ITPRIP: variants seen among roughly 807,000 people sequenced by gnomAD.
The protein encoded by ITPRIP is inositol 1,4,5-trisphosphate receptor-interacting protein.
A neutral mutation model predicts 35.8 loss-of-function variants in ITPRIP; 32 were observed. That is an observed-to-expected ratio of 0.89 (90% CI 0.68 to 1.20). The LOEUF (loss-of-function observed/expected upper bound fraction) is 1.20. Ranked by LOEUF, ITPRIP falls within the 50% of genes most tolerant of loss-of-function variation. ITPRIP has a pLI of 0.00. For missense variants in ITPRIP, 653 were observed against 735.6 expected, an observed-to-expected ratio of 0.89 and a Z score of 1.30; for synonymous variants, 358 against 324.0, an observed-to-expected ratio of 1.11 and a Z score of -1.13.
rs2013597271 is a variant in ITPRIP at position 104,314,836 on chromosome 10, G to C, written c.1216C>G (p.Leu406Val). The change falls in exon 2 of 2, where the codon CTC becomes GTC. Residue 406 changes from leucine to valine, a missense_variant. Transcript: ENST00000337478. ...AAGGATGCTATCTGCAGGCAGCTGA[G>C]GTGGCAGGCGCCCTCGGGCAGTGCC... is the stretch of plus-strand genomic sequence containing the variant. Reference protein sequence around the residue: ...LKALPEGACHLSCLQIASFLL... With the variant: ...LKALPEGACHVSCLQIASFLL... The C allele has an allele frequency of 6.2e-7, 1 of 1,613,762 alleles. No individual in the cohort carries two copies. Among genetic ancestry groups the C allele is most frequent in the South Asian group, 1.1e-5 (1 of 91,096 alleles).
rs2013470961 is a variant in ITPRIP, at chr10:104,310,958, G to A, written c.*3450C>T. ...CTGCCCCCAGGTGACACCCGTATGT[G>A]TAGTGCAGGGTCACACTTGGAATAG... On this transcript the variant is annotated 3_prime_UTR_variant, in exon 2 of 2. Coordinates refer to ENST00000337478, the MANE Select transcript of ITPRIP (RefSeq NM_001272013.2). The A allele has an allele frequency of 6.6e-6, 1 of 152,242 alleles. No individual in the cohort carries two copies. The highest frequency in any genetic ancestry group is 2.4e-5 in the African/African-American group (1 of 41,452). The allele number at this position is 152,242 out of a possible 1,614,324, so 9.4% of individuals were successfully genotyped here. A position where few individuals can be genotyped will look rare whatever the true frequency, so the allele number is the denominator to read the frequency against.
rs1315588380 is a variant in ITPRIP, at chr10:104,326,658, T to C, written c.-13-10594A>G. On this transcript the variant is annotated intron_variant, in intron 1 of 1. Transcript: ENST00000337478. This position sits in a 1 kb window ranked among gnomAD's most constrained non-coding sequence, Gnocchi z 4.8. ...GGGTTGAATGGCAGCCCTCAAAATA[T>C]ACGTCCTCGCGCTAATCCCCAGCCC... The C allele has an allele frequency of 6.6e-6, 1 of 152,146 alleles. No homozygotes were observed. The highest frequency in any genetic ancestry group is 1.5e-5 in the Non-Finnish European group (1 of 68,054). The allele number at this position is 152,146 out of a possible 1,614,324, so 9.4% of individuals were successfully genotyped here. A position where few individuals can be genotyped will look rare whatever the true frequency, so the allele number is the denominator to read the frequency against.
At position 104,315,528 on chromosome 10, in the gene ITPRIP, A is replaced by G; in HGVS notation, c.524T>C (p.Leu175Pro). ...EGFVDDLLEA[L>P]RSLCNRDTDM... ...GGTGTCCCGGTTGCAGAGGCTCCTC[A>G]GGGCTTCCAGCAAGTCATCCACGAA... The change falls in exon 2 of 2, where the codon CTG (leucine) becomes CCG (proline). Residue 175 changes from leucine to proline, a missense_variant. Physicochemically the swap from Leu to Pro is moderately conservative, Grantham distance 98. Transcript: ENST00000337478. This position sits in a 1 kb window ranked among gnomAD's most constrained non-coding sequence, Gnocchi z 5.7. 6.2e-7 allele frequency: 1 copy of G among 1,614,202 alleles called. No homozygotes were observed. Among genetic ancestry groups the G allele is most frequent in the Non-Finnish European group, 8.5e-7 (1 of 1,180,016 alleles).
intron 1 of ITPRIP, among the ~76,000 whole-genome samples, chr10:104,335,773 T>C (rs2014222182): frequency 1.3e-5 from 2 of 152,212 alleles, no homozygotes; most frequent in African/African-American, 4.8e-5. Flanking sequence ...TGCTTCTTGG[T>C]CTATGAATGC....
Position 104,315,625 on chromosome 10 carries a change from C to A in ITPRIP, c.427G>T (p.Gly143Cys). ...GLTLPNKATL[G>C]HFYERCIRGA... ...CGGATGCAGCGCTCATAAAAGTGGC[C>A]AAGCGTGGCCTTGTTGGGCAGGGTG... is the stretch of plus-strand genomic sequence containing the variant. Residue 143 changes from glycine (G) to cysteine (C), a missense_variant, in exon 2 of 2, where the codon GGC becomes TGC. Gly to Cys is a radical substitution (Grantham distance 159). Coordinates refer to ENST00000337478, the MANE Select transcript of ITPRIP (RefSeq NM_001272013.2). The surrounding 1 kb of genome is among the most constrained non-coding windows in gnomAD (Gnocchi z 5.7). The A allele has an allele frequency of 6.2e-7, 1 of 1,612,794 alleles. No homozygotes were observed. Among genetic ancestry groups the A allele is most frequent in the Non-Finnish European group, 8.5e-7 (1 of 1,179,864 alleles).
In ITPRIP at chr10:104,328,293, T is replaced by C; in HGVS notation, c.-14+9953A>G. 3 of 985,382 alleles carry C rather than the reference T, an allele frequency of 3.0e-6. No individual in the cohort carries two copies. Among genetic ancestry groups the C allele is most frequent in the Non-Finnish European group, 2.4e-6 (2 of 829,922 alleles). The allele number at this position is 985,382 out of a possible 1,614,324, so 61.0% of individuals were successfully genotyped here. Reference sequence around the variant, plus strand: ...GGCTCGTATTCCTCCGAATTTCCCCTAGCCCTGTGGCCGCATCTCACCCAC... The same window carrying C: ...GGCTCGTATTCCTCCGAATTTCCCCCAGCCCTGTGGCCGCATCTCACCCAC... On this transcript the variant is annotated intron_variant, in intron 1 of 1. Transcript: ENST00000337478. This position sits in a 1 kb window ranked among gnomAD's most constrained non-coding sequence, Gnocchi z 4.1.
chr10:104,330,528 G>A (rs2014128614), intron 1 of ITPRIP, among the ~76,000 whole-genome samples: 2 of 152,212 alleles, frequency 1.3e-5, no homozygotes, highest in South Asian at 4.1e-4. Flanking sequence ...ACCCTCAGCT[G>A]CCTTGCCGTG....
chr10:104,315,475 C>G lies in ITPRIP; in HGVS notation c.577G>C (p.Val193Leu). ...TDMEVEDFIG[V>L]DSMYENWQVD... ...TGCCAGTTCTCGTACATGCTGTCCACGCCAATGAAGTCCTCCACCTCCATG... is the reference window on the plus strand; with the variant it reads ...TGCCAGTTCTCGTACATGCTGTCCAGGCCAATGAAGTCCTCCACCTCCATG... Residue 193 changes from valine to leucine, a missense_variant, in exon 2 of 2, where the codon GTG (valine) becomes CTG (leucine). By Grantham distance (32) the Val-to-Leu change is conservative. Coordinates refer to ENST00000337478, the MANE Select transcript of ITPRIP (RefSeq NM_001272013.2). The surrounding 1 kb of genome is among the most constrained non-coding windows in gnomAD (Gnocchi z 5.7). The G allele has an allele frequency of 1.2e-6, 2 of 1,613,860 alleles. No individual in the cohort carries two copies. The highest frequency in any genetic ancestry group is 3.3e-4 in the Middle Eastern group (2 of 6,060).
Position 104,315,629 on chromosome 10 carries a change from CG to C in ITPRIP, c.422del (p.Thr141SerfsTer35). 1.9e-6 allele frequency: 3 copies of C among 1,612,696 alleles called. No individual in the cohort carries two copies. The Admixed American group carries it at 5.0e-5, about 27-fold the overall frequency. On this transcript the variant is annotated frameshift_variant, in exon 2 of 2. Coordinates refer to ENST00000337478, the MANE Select transcript of ITPRIP (RefSeq NM_001272013.2). LOFTEE classifies it high-confidence loss of function. The surrounding 1 kb of genome is among the most constrained non-coding windows in gnomAD (Gnocchi z 5.7). The part of the protein sequence containing the change: ...LQGLTLPNKA[T>X]LGHFYERCIR... ...TGCAGCGCTCATAAAAGTGGCCAAG[CG>C]TGGCCTTGTTGGGCAGGGTGAGGCC... is the stretch of plus-strand genomic sequence containing the variant.
At chr10:104,320,837 T>C (rs896887243) in intron 1 of ITPRIP, among the ~76,000 whole-genome samples, 2 of 152,178 alleles carry the variant, frequency 1.3e-5, no homozygotes, top group Non-Finnish European at 2.9e-5. Flanking sequence ...GCCTGTAACT[T>C]CTGTCCCCCT....
At chr10:104,332,954 C>T (rs1223238295) in intron 1 of ITPRIP, among the ~76,000 whole-genome samples, 3 of 152,220 alleles carry the variant, frequency 2.0e-5, no homozygotes, top group African/African-American at 7.2e-5. Flanking sequence ...GCCGCTGAAT[C>T]CCTGGCACAG....
At position 104,315,612 on chromosome 10, in the gene ITPRIP, T is replaced by G. The variant is rs1220637423; in HGVS notation, c.440A>C (p.Glu147Ala). 1 of 1,613,018 alleles carries G rather than the reference T, an allele frequency of 6.2e-7. No homozygotes were observed. Among genetic ancestry groups the G allele is most frequent in the Admixed American group, 1.7e-5 (1 of 60,018 alleles). ...PNKATLGHFYERCIRGATADA... is the reference protein window; with the variant it reads ...PNKATLGHFYARCIRGATADA... ...GGCCGTGGCCCCCCGGATGCAGCGC[T>G]CATAAAAGTGGCCAAGCGTGGCCTT... The change falls in exon 2 of 2, where the codon GAG becomes GCG. Residue 147 changes from glutamate (E) to alanine (A), a missense_variant. By Grantham distance (107) the Glu-to-Ala change is moderately radical (BLOSUM62 -1). Transcript: ENST00000337478. This position sits in a 1 kb window ranked among gnomAD's most constrained non-coding sequence, Gnocchi z 5.7.
intron 1 of ITPRIP, among the ~76,000 whole-genome samples, chr10:104,324,277 G>C (rs907597749): frequency 3.3e-5 from 5 of 152,216 alleles, no homozygotes; most frequent in African/African-American, 1.2e-4. Context: ...TCCCACCAGG[G>C]CATCTCTGGC....
chr10:104,316,047 G>A lies in ITPRIP; in HGVS notation c.5C>T (p.Ala2Val). 1 of 1,571,680 alleles carries A rather than the reference G, an allele frequency of 6.4e-7. No homozygotes were observed. The highest frequency in any genetic ancestry group is 8.6e-7 in the Non-Finnish European group (1 of 1,161,248). MAMGLFRVCLVV... is the reference protein window; with the variant it reads MVMGLFRVCLVV... ...CAGACACACGCGGAAGAGCCCCATG[G>A]CCATGGTTGGAGCTTTCCTGGGAAC... The change falls in exon 2 of 2, where the codon GCC (alanine) becomes GTC (valine). Residue 2 changes from alanine to valine, a missense_variant. Coordinates refer to ENST00000337478, the MANE Select transcript of ITPRIP (RefSeq NM_001272013.2).
Position 104,315,666 on chromosome 10 carries a change from G to T in ITPRIP, c.386C>A (p.Ala129Asp). The T allele has an allele frequency of 6.2e-7, 1 of 1,612,434 alleles. No individual in the cohort carries two copies. The highest frequency in any genetic ancestry group is 8.5e-7 in the Non-Finnish European group (1 of 1,179,854). ...GGGCAGGGTGAGGCCCTGCAAGGGGGCGCCCCCCAGCCCAGGCAGCTCATC... is the reference window on the plus strand; with the variant it reads ...GGGCAGGGTGAGGCCCTGCAAGGGGTCGCCCCCCAGCCCAGGCAGCTCATC... ...EEDELPGLGG[A>D]PLQGLTLPNK... The change falls in exon 2 of 2, where the codon GCC becomes GAC. Residue 129 changes from alanine to aspartate, a missense_variant. Coordinates refer to ENST00000337478, the MANE Select transcript of ITPRIP (RefSeq NM_001272013.2). This position sits in a 1 kb window ranked among gnomAD's most constrained non-coding sequence, Gnocchi z 5.7.
intron 1 of ITPRIP, among the ~76,000 whole-genome samples, chr10:104,316,309 A>C (rs544882462): frequency 6.6e-6 from 1 of 152,032 alleles, no homozygotes; most frequent in East Asian, 1.9e-4. Context: ...GCAGCACCCC[A>C]CTGTCCCTAA....
Position 104,314,377 on chromosome 10 carries a change from A to G in ITPRIP, c.*31T>C. ...TGAACGTGAGGGATGCCCTCATCTTAGCTCGAGGATCCCACATTCTGTAAA... is the reference window on the plus strand; with the variant it reads ...TGAACGTGAGGGATGCCCTCATCTTGGCTCGAGGATCCCACATTCTGTAAA... On this transcript the variant is annotated 3_prime_UTR_variant, in exon 2 of 2. Coordinates refer to ENST00000337478, the MANE Select transcript of ITPRIP (RefSeq NM_001272013.2). 6.3e-7 allele frequency: 1 copy of G among 1,578,186 alleles called. No homozygotes were observed. The highest frequency in any genetic ancestry group is 8.6e-7 in the Non-Finnish European group (1 of 1,159,744).
chr10:104,321,503 G>A (rs2013843978), intron 1 of ITPRIP, among the ~76,000 whole-genome samples: 1 of 152,126 alleles, frequency 6.6e-6, no homozygotes, highest in Non-Finnish European at 1.5e-5. Flanking sequence ...CCAAGACCCT[G>A]GGAGAAATCC....
At chr10:104,321,703 CTTTTTTTTTT>C (rs111255254) in intron 1 of ITPRIP, among the ~76,000 whole-genome samples, 7 of 137,358 alleles carry the variant, frequency 5.1e-5, no homozygotes, top group East Asian at 2.1e-4. Flanking sequence ...CTTTTCTTTT[CTTTTTTTTTT>C]TTTTTTTTGA....
Sources: allele counts gnomAD v4.1 joint callset (sites outside exome capture counted in the v4.1 genomes callset), GRCh38; gene constraint gnomAD v4.1.1; non-coding constraint Gnocchi (gnomAD v3.1); transcripts MANE v1.5; gene names NCBI Gene and HGNC (gene_info 2026-07-23, HGNC 2026-07-21).